Variants in BAZ2B observed in about 807,000 individuals in gnomAD.
The protein encoded by BAZ2B is bromodomain adjacent to zinc finger domain protein 2B.
A neutral mutation model predicts 246.0 loss-of-function variants in BAZ2B; 91 were observed. The ratio of observed to expected loss-of-function variants is 0.37; its 90% CI spans 0.31 to 0.44. The LOEUF is 0.44. BAZ2B is among the 20% of genes least tolerant of loss of function. The probability of loss-of-function intolerance (pLI) is 1.00; values close to 1 mark genes in which losing one functional copy is unlikely to be tolerated. For missense variants in BAZ2B, 2,332 were observed against 2,533.7 expected (o/e 0.92, Z 1.71); for synonymous variants, 855 against 860.0 (o/e 0.99, Z 0.10).
At chr2:159,375,691 A>G (rs971897570) in intron 25 of BAZ2B, among the ~76,000 whole-genome samples, 2 of 152,230 alleles carry the variant, frequency 1.3e-5, no homozygotes, top group African/African-American at 4.8e-5. Context: ...CATAAAAGAA[A>G]TAAAGATGGA....
chr2:159,465,747 C>A (rs1033280345), intron 3 of BAZ2B, among the ~76,000 whole-genome samples: 5 of 152,002 alleles, frequency 3.3e-5, no homozygotes, highest in African/African-American at 1.2e-4. Flanking sequence ...CATGGTGAAA[C>A]CCTGTCTCTA....
chr2:159,576,701 C>A (rs1182646112), intron 1 of BAZ2B, among the ~76,000 whole-genome samples: 8 of 150,422 alleles, frequency 5.3e-5, no homozygotes, highest in Non-Finnish European at 1.2e-4. Flanking sequence ...ATCACGAGGT[C>A]GGGAGTTCGA....
At chr2:159,549,698 C>G (rs553793126) in intron 2 of BAZ2B, among the ~76,000 whole-genome samples, 1 of 151,832 alleles carries the variant, frequency 6.6e-6, no homozygotes, top group Admixed American at 6.6e-5. Context: ...CTGCATGTGG[C>G]CCACAGGCCA....
chr2:159,549,415 G>A (rs2087821227), intron 2 of BAZ2B, among the ~76,000 whole-genome samples: 2 of 152,108 alleles, frequency 1.3e-5, no homozygotes, highest in Non-Finnish European at 2.9e-5. Flanking sequence ...TAGACCACGT[G>A]TCTCACTCCT....
At chr2:159,341,766 A>T (rs190409945) in intron 31 of BAZ2B, among the ~76,000 whole-genome samples, 80 of 152,346 alleles carry the variant, frequency 5.3e-4, no homozygotes, top group African/African-American at 1.8e-3. Context: ...GTCCTGAACA[A>T]CCACTGGGTA....
In BAZ2B at chr2:159,589,882, C is replaced by T. The variant is rs544055109; in HGVS notation, c.-46+26360G>A. ...AGAATTTCCCAAACCTTTAAGTCAACCAGATTTAAGGATACCCAGCAAGGC... is the reference window on the plus strand; with the variant it reads ...AGAATTTCCCAAACCTTTAAGTCAATCAGATTTAAGGATACCCAGCAAGGC... On this transcript the variant is annotated intron_variant, in intron 1 of 36. Coordinates refer to ENST00000392783, the MANE Select transcript of BAZ2B (RefSeq NM_013450.4). Among the ~76,000 whole-genome samples, 13 of 152,084 alleles carry T rather than the reference C, an allele frequency of 8.5e-5. No individual in the cohort carries two copies. The South Asian group carries it at 2.5e-3, about 29-fold the overall frequency.
intron 1 of BAZ2B, among the ~76,000 whole-genome samples, chr2:159,594,675 A>C (rs1319133521): frequency 2.0e-5 from 3 of 151,702 alleles, no homozygotes; most frequent in African/African-American, 7.3e-5. Flanking sequence ...TTTGTTGCCC[A>C]GGATGGAGTG....
intron 2 of BAZ2B, among the ~76,000 whole-genome samples, chr2:159,479,385 T>A (rs1401232214): frequency 6.6e-6 from 1 of 152,188 alleles, no homozygotes; most frequent in African/African-American, 2.4e-5. Context: ...CAATAACTAA[T>A]GCTGATATTA....
At chr2:159,389,093 A>ACAAC (rs113993624) in intron 21 of BAZ2B, among the ~76,000 whole-genome samples, 42,658 of 148,736 alleles carry the variant, frequency 0.29, 6,530 homozygotes, top group East Asian at 0.42. Context: ...CTGTCTGAAA[A>ACAAC]CAACCAACCA....
At chr2:159,469,432 T>TTTTATTTA (rs982684711) in intron 3 of BAZ2B, among the ~76,000 whole-genome samples, 1 of 151,964 alleles carries the variant, frequency 6.6e-6, no homozygotes, top group Non-Finnish European at 1.5e-5. Context: ...TTTTTACTTA[T>TTTTATTTA]TTTATTTATT....
chr2:159,470,315 T>A (rs1388030796), intron 3 of BAZ2B, among the ~76,000 whole-genome samples: 1 of 152,154 alleles, frequency 6.6e-6, no homozygotes, highest in African/African-American at 2.4e-5. Flanking sequence ...AGGGCAGGGA[T>A]GGAGGGAGGA....
At chr2:159,467,488 G>C (rs2077221734) in intron 3 of BAZ2B, among the ~76,000 whole-genome samples, 1 of 152,104 alleles carries the variant, frequency 6.6e-6, no homozygotes. Flanking sequence ...TCCTCCCCCA[G>C]CACCAATAAA....
At chr2:159,413,069 A>G (rs2067078497) in intron 13 of BAZ2B, among the ~76,000 whole-genome samples, 2 of 152,206 alleles carry the variant, frequency 1.3e-5, no homozygotes, top group African/African-American at 2.4e-5. Flanking sequence ...ATGGTTGCCT[A>G]TCATCAAAAA....
the BAZ2B span, among the ~76,000 whole-genome samples, chr2:159,702,754 CT>C: frequency 6.6e-6 from 1 of 151,966 alleles, no homozygotes; most frequent in Non-Finnish European, 1.5e-5. Flanking sequence ...TTAAAACTTT[CT>C]TTTGGCCAGG....
chr2:159,611,423 T>A (rs1199066505), intron 1 of BAZ2B, among the ~76,000 whole-genome samples: 5 of 151,960 alleles, frequency 3.3e-5, no homozygotes, highest in African/African-American at 1.2e-4. Flanking sequence ...TTTAAGGAGT[T>A]GTATGGCTAC....
At chr2:159,390,013 T>A (rs13415344) in intron 20 of BAZ2B, among the ~76,000 whole-genome samples, 1 of 151,908 alleles carries the variant, frequency 6.6e-6, no homozygotes, top group South Asian at 2.1e-4. Context: ...ATGGCAACAA[T>A]ATGGAAATAA....
intron 2 of BAZ2B, among the ~76,000 whole-genome samples, chr2:159,505,993 C>T (rs1267578271): frequency 6.6e-6 from 1 of 152,190 alleles, no homozygotes; most frequent in East Asian, 1.9e-4. Flanking sequence ...GTAACAAGGA[C>T]AGTTGTGAGA....
At chr2:159,574,132 C>T (rs930800755) in intron 1 of BAZ2B, among the ~76,000 whole-genome samples, 13 of 111,076 alleles carry the variant, frequency 1.2e-4, no homozygotes, top group Non-Finnish European at 2.4e-4. Context: ...CACACACACA[C>T]ACACACACAT....
chr2:159,451,139 C>T (rs1249802369), intron 4 of BAZ2B, among the ~76,000 whole-genome samples: 1 of 151,620 alleles, frequency 6.6e-6, no homozygotes, highest in African/African-American at 2.4e-5. Flanking sequence ...CTTGATAGAG[C>T]CAAAAATACT....
Sources: allele counts gnomAD v4.1 joint callset (sites outside exome capture counted in the v4.1 genomes callset), GRCh38; gene constraint gnomAD v4.1.1; transcripts MANE v1.5; gene names NCBI Gene and HGNC (gene_info 2026-07-23, HGNC 2026-07-21).